DCLK2: variants seen among roughly 807,000 people sequenced by gnomAD.
DCLK2 encodes doublecortin like kinase 2.
A neutral mutation model predicts 78.4 loss-of-function variants in DCLK2; 31 were observed. The ratio of observed to expected loss-of-function variants is 0.40; its 90% CI spans 0.30 to 0.53. The LOEUF (loss-of-function observed/expected upper bound fraction) is 0.53. Ranked by LOEUF, DCLK2 falls within the 20% of genes least tolerant of loss-of-function variation. DCLK2 has a pLI of 0.61. For missense variants in DCLK2, 872 were observed against 973.7 expected (o/e 0.90, Z 1.39); for synonymous variants, 407 against 374.9 (o/e 1.09, Z -0.99).
chr4:150,232,434 T>C lies in DCLK2; in HGVS notation c.1397T>C (p.Phe466Ser). 1 of 1,614,056 alleles carries C rather than the reference T, an allele frequency of 6.2e-7. No individual in the cohort carries two copies. Among genetic ancestry groups the C allele is most frequent in the Non-Finnish European group, 8.5e-7 (1 of 1,179,986 alleles). ...GAGATGGAAACAGCAACTGAGCTCT[T>C]TCTGGTGATGGAATTGGTCAAAGTA... Reference protein sequence around the residue: ...VEEMETATELFLVMELVKGGD... With the variant: ...VEEMETATELSLVMELVKGGD... Residue 466 changes from phenylalanine (F) to serine (S), a missense_variant, in exon 9 of 16, where the codon TTT (phenylalanine) becomes TCT (serine). Coordinates refer to ENST00000296550, the MANE Select transcript of DCLK2 (RefSeq NM_001040260.4).
chr4:150,079,004 G>A lies in DCLK2; in HGVS notation c.-24G>A. 1 of 1,509,680 alleles carries A rather than the reference G, an allele frequency of 6.6e-7. No homozygotes were observed. Among genetic ancestry groups the A allele is most frequent in the Non-Finnish European group, 8.8e-7 (1 of 1,132,722 alleles). 93.5% of individuals were successfully genotyped at this position (1,509,680 alleles called of 1,614,324 possible). A position where few individuals can be genotyped will look rare whatever the true frequency, so the allele number is the denominator to read the frequency against. ...CTTAGTCGGCCCGGAACGTCTTTTT[G>A]CGGACGCCCTCGGAGCAGCCGCGAT... On this transcript the variant is annotated 5_prime_UTR_variant, in exon 1 of 16. Coordinates refer to ENST00000296550, the MANE Select transcript of DCLK2 (RefSeq NM_001040260.4).
In DCLK2 at chr4:150,247,598, C is replaced by G; in HGVS notation, c.1779-5C>G. On this transcript the variant is annotated splice_polypyrimidine_tract_variant and splice_region_variant and intron_variant, in intron 12 of 15. Transcript: ENST00000296550. ...TTTTCTTCCATTTCTTTGTCACTGG[C>G]TTAGTGAGAACAATCTCCAGGAAGA... 1 of 1,613,200 alleles carries G rather than the reference C, an allele frequency of 6.2e-7. No homozygotes were observed. The highest frequency in any genetic ancestry group is 1.6e-4 in the Middle Eastern group (1 of 6,062).
chr4:150,093,670 C>T (rs146844386), intron 1 of DCLK2, among the ~76,000 whole-genome samples: 12 of 152,320 alleles, frequency 7.9e-5, no homozygotes, highest in Non-Finnish European at 1.8e-4. Context: ...GCATAAACCA[C>T]GCCCAGCCTC....
intron 7 of DCLK2, among the ~76,000 whole-genome samples, chr4:150,223,843 C>T (rs1034921347): frequency 6.6e-6 from 1 of 152,096 alleles, no homozygotes; most frequent in Admixed American, 6.6e-5. Context: ...AAAGATGTGA[C>T]TAACTTGGTA....
At chr4:150,174,535 G>A (rs1736803400) in intron 2 of DCLK2, among the ~76,000 whole-genome samples, 1 of 152,064 alleles carries the variant, frequency 6.6e-6, no homozygotes, top group Non-Finnish European at 1.5e-5. Flanking sequence ...TTAAGAAGGG[G>A]ACCTGAGGCC....
intron 2 of DCLK2, among the ~76,000 whole-genome samples, chr4:150,161,964 A>C (rs1316367366): frequency 6.6e-6 from 1 of 152,150 alleles, no homozygotes; most frequent in Non-Finnish European, 1.5e-5. Context: ...AGACCTCAGC[A>C]GAGTCATGAA....
chr4:150,199,110 T>G (rs774470349), intron 4 of DCLK2: 1 of 1,582,202 alleles, frequency 6.3e-7, no homozygotes, highest in Admixed American at 1.7e-5. Flanking sequence ...TTTGTTGCTC[T>G]GCTGGGTTTT....
intron 2 of DCLK2, among the ~76,000 whole-genome samples, chr4:150,134,834 T>TTGTG (rs1248806854): frequency 6.9e-6 from 1 of 145,908 alleles, no homozygotes; most frequent in Non-Finnish European, 1.6e-5. Flanking sequence ...GTTGTTGTTG[T>TTGTG]TGTTTGTTTG....
chr4:150,084,977 A>G (rs532885810), intron 1 of DCLK2, among the ~76,000 whole-genome samples: 32 of 152,192 alleles, frequency 2.1e-4, no homozygotes, highest in Non-Finnish European at 4.1e-4. Context: ...ATGTTTTATG[A>G]GCAGTCATTG....
At chr4:150,159,383 C>A (rs1735543271) in intron 2 of DCLK2, among the ~76,000 whole-genome samples, 1 of 152,226 alleles carries the variant, frequency 6.6e-6, no homozygotes, top group African/African-American at 2.4e-5. Context: ...TCCTGGATGT[C>A]CCCAAAGGTG....
intron 4 of DCLK2, chr4:150,198,939 T>C: frequency 2.5e-6 from 1 of 394,816 alleles, no homozygotes; most frequent in Non-Finnish European, 4.7e-6. Flanking sequence ...GTAGGGCAGG[T>C]CGTTTTACCC....
chr4:150,142,362 C>T (rs2150215279), intron 2 of DCLK2, among the ~76,000 whole-genome samples: 1 of 152,306 alleles, frequency 6.6e-6, no homozygotes, highest in Admixed American at 6.5e-5. Context: ...GATCTTTCTT[C>T]TCTGAAGGGT....
intron 2 of DCLK2, among the ~76,000 whole-genome samples, chr4:150,107,668 C>T (rs1310360502): frequency 6.6e-6 from 1 of 152,154 alleles, no homozygotes; most frequent in African/African-American, 2.4e-5. Flanking sequence ...AGATGCTGCA[C>T]ACCCAGCCAG....
intron 15 of DCLK2, chr4:150,253,895 T>C (rs1744368888): frequency 2.0e-6 from 2 of 985,354 alleles, no homozygotes; most frequent in Admixed American, 1.2e-4. Flanking sequence ...AAGGCTTTTG[T>C]TCTTTCTCCA....
chr4:150,157,061 C>A (rs908959227), intron 2 of DCLK2, among the ~76,000 whole-genome samples: 2 of 151,898 alleles, frequency 1.3e-5, no homozygotes, highest in South Asian at 2.1e-4. Context: ...TGAACCACTG[C>A]GCACAGCCAG....
chr4:150,133,872 A>T (rs181535032), intron 2 of DCLK2, among the ~76,000 whole-genome samples: 216 of 152,298 alleles, frequency 1.4e-3, no homozygotes, highest in African/African-American at 4.8e-3. Flanking sequence ...CAGTTGGGAT[A>T]GGAAAAGGGT....
intron 9 of DCLK2, 109 bp from the exon 10 acceptor site, chr4:150,232,573 T>A: frequency 6.6e-7 from 1 of 1,525,086 alleles, no homozygotes; most frequent in Non-Finnish European, 8.9e-7. Flanking sequence ...TAATCGCCGA[T>A]TTTAGTGGCA....
chr4:150,198,370 G>A (rs1045659019), intron 4 of DCLK2, among the ~76,000 whole-genome samples: 12 of 152,126 alleles, frequency 7.9e-5, no homozygotes, highest in African/African-American at 2.9e-4. Flanking sequence ...TTACATAGAA[G>A]CGTTTCACAT....
At chr4:150,248,251 T>G in intron 13 of DCLK2, 54 bp from the exon 14 acceptor site, 1 of 1,499,770 alleles carries the variant, frequency 6.7e-7, no homozygotes, top group Non-Finnish European at 9.3e-7. Flanking sequence ...GTATTTATGC[T>G]GGAATTACCT....
Sources: allele counts gnomAD v4.1 joint callset (sites outside exome capture counted in the v4.1 genomes callset), GRCh38; gene constraint gnomAD v4.1.1; transcripts MANE v1.5; gene names NCBI Gene and HGNC (gene_info 2026-07-23, HGNC 2026-07-21).